Variants in RPL8 observed in about 807,000 individuals in gnomAD.
RPL8 encodes the protein ribosomal protein L8, also known as large ribosomal subunit protein uL2.
For synonymous variants in RPL8, 182 were observed against 143.2 expected (o/e 1.27, Z -1.94); for missense variants, 248 against 365.9 (o/e 0.68, Z 2.63).
rs951137182 is a variant in RPL8, at chr8:144,790,466, C to A, written c.504G>T (p.Val168=). ...ISSANRAVVG[V]VAGGGRIDKP... ...TGTCAATTCGGCCACCTCCAGCCACCACACCTGTAGGGGATCAGATACCTC... is the reference window on the plus strand; with the variant it reads ...TGTCAATTCGGCCACCTCCAGCCACAACACCTGTAGGGGATCAGATACCTC... Residue 168 remains valine (V), a synonymous_variant, in exon 4 of 5, where the codon GTG becomes GTT. Transcript: ENST00000528957. 1 of 1,610,702 alleles carries A rather than the reference C, an allele frequency of 6.2e-7. No homozygotes were observed. The highest frequency in any genetic ancestry group is 8.5e-7 in the Non-Finnish European group (1 of 1,179,654).
chr8:144,791,001 A>T (rs920116861), intron 3 of RPL8: 3 of 517,830 alleles, frequency 5.8e-6, no homozygotes, highest in Middle Eastern at 3.5e-4. Flanking sequence ...ACTGCATGCA[A>T]GTGCAGCAAT....
Position 144,791,578 on chromosome 8 carries a change from G to A in RPL8, c.281-83C>T, listed in dbSNP as rs1826519471. ...CGCTCTAGGCAACCCGCGAAGTTGC[G>A]AGCACAGCATTCAACATCCAGCCTC... is the stretch of plus-strand genomic sequence containing the variant. On this transcript the variant is annotated intron_variant, in intron 2 of 4. Transcript: ENST00000528957. The A allele has an allele frequency of 2.2e-5, 33 of 1,509,264 alleles. No individual in the cohort carries two copies. The South Asian group carries it at 3.3e-4, about 15-fold the overall frequency. 93.5% of individuals were successfully genotyped at this position (1,509,264 alleles called of 1,614,324 possible).
Position 144,791,460 on chromosome 8 carries a change from T to G in RPL8, c.316A>C (p.Thr106Pro), listed in dbSNP as rs1826512441. ...LNIGNVLPVG[T>P]MPEGTIVCCL... ...CACACGATTGTACCCTCAGGCATGG[T>G]GCCCACAGGGAGCACATTGCCAATG... The change falls in exon 3 of 5, where the codon ACC becomes CCC. Residue 106 changes from threonine to proline, a missense_variant. Physicochemically the swap from Thr to Pro is conservative, Grantham distance 38 (BLOSUM62 -1). Coordinates refer to ENST00000528957, the MANE Select transcript of RPL8 (RefSeq NM_001317782.2). 1 of 1,613,788 alleles carries G rather than the reference T, an allele frequency of 6.2e-7. No homozygotes were observed. Among genetic ancestry groups the G allele is most frequent in the African/African-American group, 1.3e-5 (1 of 74,912 alleles).
Position 144,790,303 on chromosome 8 carries a change from A to C in RPL8, c.615+52T>G, listed in dbSNP as rs6651490. 0.015 allele frequency: 21,775 copies of C among 1,465,140 alleles called. 2,560 individuals are homozygous for C. In the African/African-American group the frequency reaches 0.26, roughly 17 times the overall value. 90.8% of individuals were successfully genotyped at this position (1,465,140 alleles called of 1,614,324 possible). ...TGTGGATGGGACTTGCCTACCCAAC[A>C]GTGTGGCCACTGTAACTTCAATACC... On this transcript the variant is annotated intron_variant, in intron 4 of 4. Transcript: ENST00000528957.
rs767674304 is a variant in RPL8 at position 144,789,838 on chromosome 8, C to T, written c.740G>A (p.Arg247Gln). 6 of 1,613,336 alleles carry T rather than the reference C, an allele frequency of 3.7e-6. No homozygotes were observed. In the African/African-American group the frequency reaches 4.0e-5, roughly 11 times the overall value. The change falls in exon 5 of 5, where the codon CGG (arginine) becomes CAG (glutamine). Residue 247 changes from arginine (R) to glutamine (Q), a missense_variant. Coordinates refer to ENST00000528957, the MANE Select transcript of RPL8 (RefSeq NM_001317782.2). ...LIAARRTGRLRGTKTVQEKEN is the reference protein window; with the variant it reads ...LIAARRTGRLQGTKTVQEKEN Reference sequence around the variant, plus strand: ...TTTCTCCTGCACAGTCTTGGTTCCCCGGAGACGTCCAGTCCGGCGGGCAGC... The same window carrying T: ...TTTCTCCTGCACAGTCTTGGTTCCCTGGAGACGTCCAGTCCGGCGGGCAGC...
chr8:144,791,643 C>A, intron 2 of RPL8, 130 bp downstream of exon 2: 1 of 1,512,544 alleles, frequency 6.6e-7, no homozygotes, highest in Non-Finnish European at 9.0e-7. Context: ...GGCCACTGGT[C>A]TGGCCACGCG....
In RPL8 at chr8:144,792,195, C is replaced by A; in HGVS notation, c.-66G>T. 2.1e-6 allele frequency: 3 copies of A among 1,417,934 alleles called. No individual in the cohort carries two copies. The highest frequency in any genetic ancestry group is 3.1e-5 in the Admixed American group (1 of 32,720). 87.8% of individuals were successfully genotyped at this position (1,417,934 alleles called of 1,614,324 possible). A position where few individuals can be genotyped will look rare whatever the true frequency, so the allele number is the denominator to read the frequency against. Reference sequence around the variant, plus strand: ...GGCGGCCCGGGTACCCCCGCCAGCCCGGCTTTCCGGGACCCCGCCCCCGAG... The same window carrying A: ...GGCGGCCCGGGTACCCCCGCCAGCCAGGCTTTCCGGGACCCCGCCCCCGAG... On this transcript the variant is annotated 5_prime_UTR_variant, in exon 1 of 5. Coordinates refer to ENST00000528957, the MANE Select transcript of RPL8 (RefSeq NM_001317782.2).
intron 3 of RPL8, 155 bp from the exon 4 acceptor site, chr8:144,790,625 G>A (rs753588173): frequency 7.2e-6 from 5 of 691,750 alleles, no homozygotes; most frequent in Non-Finnish European, 1.3e-5. Flanking sequence ...CACCCTGTGA[G>A]CTGACATCCA....
Position 144,792,267 on chromosome 8 carries a change from G to A in RPL8, c.-138C>T, listed in dbSNP as rs2130382038. 7 of 1,257,036 alleles carry A rather than the reference G, an allele frequency of 5.6e-6. No homozygotes were observed. The highest frequency in any genetic ancestry group is 2.9e-4 in the Middle Eastern group (1 of 3,482). The allele number at this position is 1,257,036 out of a possible 1,614,324, so 77.9% of individuals were successfully genotyped here. On this transcript the variant is annotated 5_prime_UTR_variant, in exon 1 of 5. Coordinates refer to ENST00000528957, the MANE Select transcript of RPL8 (RefSeq NM_001317782.2). ...TACCCTCTCCGCGGGCGCCCGCACC[G>A]GCATCCTCTCAGGAGGGCCGGTCCG... is the stretch of plus-strand genomic sequence containing the variant.
chr8:144,791,909 G>C lies in RPL8; in HGVS notation c.144C>G (p.Ile48Met), dbSNP rs1826539668. The C allele has an allele frequency of 6.2e-7, 1 of 1,613,022 alleles. No homozygotes were observed. The highest frequency in any genetic ancestry group is 1.3e-5 in the African/African-American group (1 of 74,914). ...GCGCGCCGCGGCCCGGGTCGTGGAT[G>C]ATGTCCTGTGGGCAGAGGCGGCGTG... ...HGYIKGIVKDIIHDPGRGAPL... is the reference protein window; with the variant it reads ...HGYIKGIVKDMIHDPGRGAPL... The change falls in exon 2 of 5, where the codon ATC (isoleucine) becomes ATG (methionine). Residue 48 changes from isoleucine (I) to methionine (M), a missense_variant. Coordinates refer to ENST00000528957, the MANE Select transcript of RPL8 (RefSeq NM_001317782.2).
chr8:144,790,009 C>A, intron 4 of RPL8, 47 bp from the exon 5 acceptor site: 1 of 1,556,330 alleles, frequency 6.4e-7, no homozygotes, highest in Non-Finnish European at 8.7e-7. Flanking sequence ...CCCACCACCC[C>A]CGCCCCCGGC....
chr8:144,791,651 G>A (rs1265471575), intron 2 of RPL8, 122 bp downstream of exon 2: 2 of 1,530,916 alleles, frequency 1.3e-6, no homozygotes, highest in Non-Finnish European at 1.8e-6. Context: ...GTCTGGCCAC[G>A]CGGATGTCCC....
At chr8:144,791,565 C>T (rs1283598353) in intron 2 of RPL8, 70 bp from the exon 3 acceptor site, 2 of 1,543,698 alleles carry the variant, frequency 1.3e-6, no homozygotes, top group Non-Finnish European at 1.8e-6. Flanking sequence ...CTCTAGGCAA[C>T]CCGCGAAGTT....
At chr8:144,790,276 C>T in intron 4 of RPL8, 79 bp downstream of exon 4, 2 of 1,202,918 alleles carry the variant, frequency 1.7e-6, no homozygotes, top group South Asian at 1.3e-5. Flanking sequence ...TGCAGGGACA[C>T]CTGTGGATGG....
rs534156171 is a variant in RPL8 at position 144,792,187 on chromosome 8, C to T, written c.-58G>A. On this transcript the variant is annotated 5_prime_UTR_variant, in exon 1 of 5. Coordinates refer to ENST00000528957, the MANE Select transcript of RPL8 (RefSeq NM_001317782.2). ...CGCGGCCGGGCGGCCCGGGTACCCC[C>T]GCCAGCCCGGCTTTCCGGGACCCCG... is the stretch of plus-strand genomic sequence containing the variant. The T allele has an allele frequency of 4.3e-5, 61 of 1,430,764 alleles. No homozygotes were observed. The Middle Eastern group carries it at 1.1e-3, about 26-fold the overall frequency. 88.6% of individuals were successfully genotyped at this position (1,430,764 alleles called of 1,614,324 possible). A position where few individuals can be genotyped will look rare whatever the true frequency, so the allele number is the denominator to read the frequency against.
At position 144,792,210 on chromosome 8, in the gene RPL8, C is replaced by A. The variant is rs1371335417; in HGVS notation, c.-81G>T. The A allele has an allele frequency of 7.2e-7, 1 of 1,396,260 alleles. No homozygotes were observed. Among genetic ancestry groups the A allele is most frequent in the Non-Finnish European group, 9.2e-7 (1 of 1,082,498 alleles). The allele number at this position is 1,396,260 out of a possible 1,614,324, so 86.5% of individuals were successfully genotyped here. On this transcript the variant is annotated 5_prime_UTR_variant, in exon 1 of 5. Transcript: ENST00000528957. Reference sequence around the variant, plus strand: ...CCCGCCAGCCCGGCTTTCCGGGACCCCGCCCCCGAGGCCGCCGCGCCCACC... The same window carrying A: ...CCCGCCAGCCCGGCTTTCCGGGACCACGCCCCCGAGGCCGCCGCGCCCACC...
Position 144,792,004 on chromosome 8 carries a change from C to T in RPL8, c.126G>A (p.Lys42=). 3 of 1,608,864 alleles carry T rather than the reference C, an allele frequency of 1.9e-6. No homozygotes were observed. The highest frequency in any genetic ancestry group is 2.5e-6 in the Non-Finnish European group (3 of 1,177,746). ...CAGCGTTCCGCACCTTGACGATGCC[C>T]TTGATGTAGCCGTGCCGCTCAGCGA... ...VDFAERHGYI[K]GIVKDIIHDP... The change falls in exon 1 of 5, where the codon AAG becomes AAA. Residue 42 remains lysine, a synonymous_variant. Transcript: ENST00000528957.
At chr8:144,791,038 C>A (rs1301080298) in intron 3 of RPL8, 5 of 563,812 alleles carry the variant, frequency 8.9e-6, no homozygotes, top group Non-Finnish European at 1.3e-5. Flanking sequence ...GAATCCAAGA[C>A]CCTGGTGACT....
At chr8:144,791,936 G>C (rs754594429) in intron 1 of RPL8, 22 bp from the exon 2 acceptor site, 2 of 1,610,958 alleles carry the variant, frequency 1.2e-6, no homozygotes, top group Admixed American at 3.3e-5. Context: ...GGCGGCGTGA[G>C]TGCGGCGTTC....
Sources: gnomAD v4.1 joint callset for allele counts on GRCh38, gnomAD v4.1.1 for gene constraint, MANE v1.5 for transcripts, NCBI Gene and HGNC (gene_info 2026-07-23, HGNC 2026-07-21) for gene names.